The following RNF144A variants were observed in gnomAD, a reference collection of about 807,000 sequenced individuals.
RNF144A encodes the protein E3 ubiquitin-protein ligase RNF144A.
Under a neutral mutation model 38.7 loss-of-function variants are expected in RNF144A, and 11 were observed. The ratio of observed to expected loss-of-function variants is 0.28; its 90% CI spans 0.18 to 0.47. The LOEUF is 0.47. RNF144A is among the 20% of genes least tolerant of loss of function. RNF144A has a pLI of 0.99. For missense variants in RNF144A, 316 were observed against 377.2 expected (o/e 0.84, Z 1.34); for synonymous variants, 149 against 143.9 (o/e 1.04, Z -0.25).
chr2:7,026,727 G>T (rs1306746850), intron 7 of RNF144A, among the ~76,000 whole-genome samples: 1 of 152,150 alleles, frequency 6.6e-6, no homozygotes, highest in Non-Finnish European at 1.5e-5. Flanking sequence ...ACAGGGACTA[G>T]GAGGGAAGCT....
rs1382436085 is a variant in RNF144A, at chr2:6,962,536, C to T, written c.-12+21389C>T. Among the ~76,000 whole-genome samples the T allele has an allele frequency of 1.3e-5, 2 of 152,198 alleles. No homozygotes were observed. The highest frequency in any genetic ancestry group is 4.8e-5 in the African/African-American group (2 of 41,434). ...CTCTTTTTGATCTCATAATTTCTTT[C>T]TACCTCCCATATCAAAACTTTGTGC... On this transcript the variant is annotated intron_variant, in intron 2 of 8. Coordinates refer to ENST00000320892, the MANE Select transcript of RNF144A (RefSeq NM_014746.6). This position sits in a 1 kb window ranked among gnomAD's most constrained non-coding sequence, Gnocchi z 4.1.
chr2:7,008,022 T>A (rs1558426902), intron 3 of RNF144A, among the ~76,000 whole-genome samples: 1 of 152,172 alleles, frequency 6.6e-6, no homozygotes, highest in African/African-American at 2.4e-5. Context: ...TGTGGTATAG[T>A]GGAAAGCACA....
intron 8 of RNF144A, among the ~76,000 whole-genome samples, chr2:7,038,188 A>G (rs1672807120): frequency 6.6e-6 from 1 of 152,248 alleles, no homozygotes; most frequent in Non-Finnish European, 1.5e-5. Flanking sequence ...GGGCCAGGTC[A>G]TTCTCTGATG....
At chr2:7,029,021 C>T (rs1441625088) in intron 7 of RNF144A, among the ~76,000 whole-genome samples, 2 of 152,206 alleles carry the variant, frequency 1.3e-5, no homozygotes, top group South Asian at 2.1e-4. Flanking sequence ...AGAGGAAGTC[C>T]GGCTGCAGCC....
chr2:7,065,042 A>G (rs866736062), intron 6 of RNF144A, among the ~76,000 whole-genome samples: 3 of 152,222 alleles, frequency 2.0e-5, no homozygotes, highest in South Asian at 2.1e-4. Flanking sequence ...GTGAGCCTAC[A>G]ATAATAGTGC....
intron 2 of RNF144A, among the ~76,000 whole-genome samples, chr2:6,989,944 CAG>C (rs1312065082): frequency 6.6e-6 from 1 of 152,050 alleles, no homozygotes; most frequent in Non-Finnish European, 1.5e-5. Context: ...ACAGATAATA[CAG>C]AGTTTCCATA....
chr2:7,047,212 G>GGT (rs1284052216), downstream of RNF144A, among the ~76,000 whole-genome samples: 1 of 152,066 alleles, frequency 6.6e-6, no homozygotes, highest in Non-Finnish European at 1.5e-5. Context: ...TGTTGCTGGG[G>GGT]GTGTGTGTGT....
At chr2:6,946,419 G>A (rs985175480) in intron 2 of RNF144A, among the ~76,000 whole-genome samples, 3 of 151,956 alleles carry the variant, frequency 2.0e-5, no homozygotes, top group East Asian at 1.9e-4. Flanking sequence ...TTAATGATCT[G>A]TTTTATGAGT....
chr2:7,041,807 C>G lies in RNF144A; in HGVS notation c.*2047C>G. The G allele has an allele frequency of 1.0e-6, 1 of 985,492 alleles. No individual in the cohort carries two copies. The highest frequency in any genetic ancestry group is 1.2e-6 in the Non-Finnish European group (1 of 829,994). The allele number at this position is 985,492 out of a possible 1,614,324, so 61.0% of individuals were successfully genotyped here. On this transcript the variant is annotated 3_prime_UTR_variant, in exon 9 of 9. Coordinates refer to ENST00000320892, the MANE Select transcript of RNF144A (RefSeq NM_014746.6). Reference sequence around the variant, plus strand: ...CATCGCATGAGCCCACACAGTAGCACCCCCGTCCTTAGGATGAGAGTCAGA... The same window carrying G: ...CATCGCATGAGCCCACACAGTAGCAGCCCCGTCCTTAGGATGAGAGTCAGA...
chr2:6,933,298 T>A (rs559723040), intron 1 of RNF144A: 2 of 152,342 alleles, frequency 1.3e-5, no homozygotes, highest in Admixed American at 6.5e-5. Context: ...GTCTAAAATG[T>A]TCCTTCATTA....
At chr2:6,996,193 G>A (rs1669726385) in intron 2 of RNF144A, among the ~76,000 whole-genome samples, 2 of 152,142 alleles carry the variant, frequency 1.3e-5, no homozygotes, top group South Asian at 4.1e-4. Flanking sequence ...CCCCCACCAA[G>A]CCCTTCTGCT....
In RNF144A at chr2:7,020,568, G is replaced by C. The variant is rs762999938; in HGVS notation, c.397G>C (p.Val133Leu). 3.7e-5 allele frequency: 60 copies of C among 1,613,164 alleles called. No individual in the cohort carries two copies. Among genetic ancestry groups the C allele is most frequent in the Non-Finnish European group, 2.4e-5 (28 of 1,180,028 alleles). ...CGTGGGGCTGCAGACCCCCCAGCCA[G>C]TGCAGTGCAAAGCCTGCCGTATGGA... ...QDVGLQTPQP[V>L]QCKACRMEFC... The change falls in exon 6 of 9, where the codon GTG (valine) becomes CTG (leucine). Residue 133 changes from valine to leucine, a missense_variant. Transcript: ENST00000320892.
At position 7,043,667 on chromosome 2, in the gene RNF144A, A is replaced by T; in HGVS notation, c.*3907A>T. 1.0e-6 allele frequency: 1 copy of T among 985,874 alleles called. No individual in the cohort carries two copies. The highest frequency in any genetic ancestry group is 1.2e-6 in the Non-Finnish European group (1 of 829,928). 61.1% of individuals were successfully genotyped at this position (985,874 alleles called of 1,614,324 possible). ...ACAAAGGGGCCTGCGTTAAAACCTA[A>T]TTGCTAATGCTTCACAACTAGGAGA... On this transcript the variant is annotated 3_prime_UTR_variant, in exon 9 of 9. Transcript: ENST00000320892.
At chr2:6,956,573 G>A (rs1034588952) in intron 2 of RNF144A, among the ~76,000 whole-genome samples, 5 of 152,206 alleles carry the variant, frequency 3.3e-5, no homozygotes, top group African/African-American at 1.2e-4. Context: ...AAGGTCTCAT[G>A]AATTTAATTT....
At position 6,996,916 on chromosome 2, in the gene RNF144A, A is replaced by G. The variant is rs905713949; in HGVS notation, c.-11A>G. On this transcript the variant is annotated splice_region_variant and 5_prime_UTR_variant, in exon 3 of 9. Coordinates refer to ENST00000320892, the MANE Select transcript of RNF144A (RefSeq NM_014746.6). ...ACCTTCCGTGCTTCTCTCGTTTCAG[A>G]CTGTTCTGCGATGACCACAACAAGG... 6 of 1,612,894 alleles carry G rather than the reference A, an allele frequency of 3.7e-6. No homozygotes were observed. Among genetic ancestry groups the G allele is most frequent in the Non-Finnish European group, 5.1e-6 (6 of 1,179,574 alleles).
intron 2 of RNF144A, among the ~76,000 whole-genome samples, chr2:6,948,832 G>A (rs897432236): frequency 6.6e-6 from 1 of 152,322 alleles, no homozygotes; most frequent in East Asian, 1.9e-4. Flanking sequence ...ATCAGCTGGT[G>A]TTTTATGTGC....
intron 7 of RNF144A, among the ~76,000 whole-genome samples, chr2:7,029,049 G>C (rs1001548774): frequency 1.3e-5 from 2 of 152,244 alleles, no homozygotes; most frequent in Non-Finnish European, 2.9e-5. Flanking sequence ...TGTCTTACCA[G>C]AGTTGATTGA....
chr2:6,946,154 A>G (rs1191698439), intron 2 of RNF144A, among the ~76,000 whole-genome samples: 1 of 152,232 alleles, frequency 6.6e-6, no homozygotes. Flanking sequence ...TTTTAAACAT[A>G]CAGTTTCTTT....
Position 7,024,308 on chromosome 2 carries a change from G to A in RNF144A, c.510-61G>A, listed in dbSNP as rs566240608. On this transcript the variant is annotated intron_variant, in intron 6 of 8. Coordinates refer to ENST00000320892, the MANE Select transcript of RNF144A (RefSeq NM_014746.6). ...GGAGCCGATGCTTCCAGCATAGCCA[G>A]TGCTCCTGGGTCTCCCGTGGGATCC... is the stretch of plus-strand genomic sequence containing the variant. 134 of 1,471,740 alleles carry A rather than the reference G, an allele frequency of 9.1e-5. No individual in the cohort carries two copies. In the South Asian group the frequency reaches 1.7e-3, roughly 19 times the overall value. The allele number at this position is 1,471,740 out of a possible 1,614,324, so 91.2% of individuals were successfully genotyped here.
Sources: gnomAD v4.1 joint callset for allele counts (sites outside exome capture counted in the v4.1 genomes callset) on GRCh38, gnomAD v4.1.1 for gene constraint, Gnocchi (gnomAD v3.1) non-coding constraint, MANE v1.5 for transcripts, NCBI Gene and HGNC (gene_info 2026-07-23, HGNC 2026-07-21) for gene names.